RASA2: variants seen among roughly 807,000 people sequenced by gnomAD.
The protein encoded by RASA2 is ras GTPase-activating protein 2.
Under a neutral mutation model 118.2 loss-of-function variants are expected in RASA2, and 155 were observed. The observed-to-expected ratio is 1.31, with a 90% CI of 1.15 to 1.50. The LOEUF (loss-of-function observed/expected upper bound fraction) is 1.50, where lower values mean the gene tolerates loss of function less well. Ranked by LOEUF, RASA2 falls within the 40% of genes most tolerant of loss-of-function variation. The pLI is 0.00. For missense variants in RASA2, 1,016 were observed against 1,009.6 expected (o/e 1.01, Z -0.09); for synonymous variants, 353 against 349.1 (o/e 1.01, Z -0.12).
intron 3 of RASA2, chr3:141,525,664 A>G (rs1472760826): frequency 1.3e-5 from 2 of 151,994 alleles, no homozygotes; most frequent in Non-Finnish European, 2.9e-5. Flanking sequence ...AAAGTAGCCA[A>G]CTGGGACCAA....
intron 19 of RASA2, among the ~76,000 whole-genome samples, chr3:141,601,442 CAAAAAAAAAGA>C (rs71151502): frequency 0.45 from 64,688 of 143,640 alleles, 14,310 homozygotes; most frequent in African/African-American, 0.56. Flanking sequence ...CCACTGTCTC[CAAAAAAAAAGA>C]AAAAAAAAAG....
At chr3:141,592,537 G>T (rs1483256475) in intron 19 of RASA2, among the ~76,000 whole-genome samples, 1 of 152,164 alleles carries the variant, frequency 6.6e-6, no homozygotes, top group Non-Finnish European at 1.5e-5. Flanking sequence ...TCTTAATAGG[G>T]TAACTTATGT....
intron 15 of RASA2, among the ~76,000 whole-genome samples, chr3:141,580,085 AATATATATATATAT>A (rs1207351331): frequency 2.3e-4 from 14 of 59,618 alleles, no homozygotes; most frequent in Non-Finnish European, 3.5e-4. Flanking sequence ...AAAAAAAAAA[AATATATATATATAT>A]ATATATATAT....
intron 17 of RASA2, among the ~76,000 whole-genome samples, chr3:141,584,701 C>G (rs910507292): frequency 1.1e-4 from 17 of 152,276 alleles, no homozygotes; most frequent in African/African-American, 4.1e-4. Context: ...CATAAGGTCT[C>G]TGCCACTTAG....
chr3:141,607,687 C>A lies in RASA2; in HGVS notation c.1943C>A (p.Ala648Glu), dbSNP rs1421012394. Residue 648 changes from alanine (A) to glutamate (E), a missense_variant, in exon 20 of 24, where the codon GCA becomes GAA. Physicochemically the swap from Ala to Glu is moderately radical, Grantham distance 107. Coordinates refer to ENST00000286364, the MANE Select transcript of RASA2 (RefSeq NM_006506.5). ...LTYHKQPGKD[A>E]IYTIPVKNIL... Reference sequence around the variant, plus strand: ...TTTTTTTATTATTTAGGCAAAGATGCAATCTACACAATCCCAGTAAAAAAC... The same window carrying A: ...TTTTTTTATTATTTAGGCAAAGATGAAATCTACACAATCCCAGTAAAAAAC... 6 of 1,566,738 alleles carry A rather than the reference C, an allele frequency of 3.8e-6. No homozygotes were observed. In the South Asian group the frequency reaches 7.3e-5, roughly 19 times the overall value.
At chr3:141,579,271 C>A (rs2083061901) in intron 15 of RASA2, among the ~76,000 whole-genome samples, 1 of 152,116 alleles carries the variant, frequency 6.6e-6, no homozygotes, top group Non-Finnish European at 1.5e-5. Flanking sequence ...TAGAAACTTA[C>A]ACAAATGTAT....
At chr3:141,556,440 A>G (rs1377072690) in intron 7 of RASA2, among the ~76,000 whole-genome samples, 1 of 152,212 alleles carries the variant, frequency 6.6e-6, no homozygotes, top group Non-Finnish European at 1.5e-5. Flanking sequence ...CTTTGAGACC[A>G]TAAAATACTT....
intron 5 of RASA2, among the ~76,000 whole-genome samples, chr3:141,545,002 A>G (rs1370094174): frequency 1.3e-5 from 2 of 152,182 alleles, no homozygotes; most frequent in African/African-American, 4.8e-5. Flanking sequence ...GGTGGAGAGT[A>G]GGAGGAGGGA....
rs201810661 is a variant in RASA2, at chr3:141,543,442, GAGTT to G, written c.527+2836_527+2839del. Among the ~76,000 whole-genome samples the G allele has an allele frequency of 7.3e-3, 1,117 of 152,240 alleles. 14 individuals are homozygous for G. Among genetic ancestry groups the G allele is most frequent in the African/African-American group, 0.025 (1,045 of 41,532 alleles). On this transcript the variant is annotated intron_variant, in intron 5 of 23. Coordinates refer to ENST00000286364, the MANE Select transcript of RASA2 (RefSeq NM_006506.5). ...TTCAGCCATCTAACACAGTTGAAAA[GAGTT>G]AGAGGAAAAGGAAAGTGTAAGTCTG...
intron 1 of RASA2, among the ~76,000 whole-genome samples, chr3:141,496,483 C>A (rs1043396844): frequency 4.6e-5 from 7 of 151,936 alleles, no homozygotes; most frequent in African/African-American, 7.3e-5. Context: ...AAAAAAACAA[C>A]CCCATGAAAA....
intron 15 of RASA2, among the ~76,000 whole-genome samples, chr3:141,577,346 A>G (rs1276428728): frequency 6.6e-6 from 1 of 152,144 alleles, no homozygotes; most frequent in Non-Finnish European, 1.5e-5. Flanking sequence ...AAGCTTGGTG[A>G]TGAGTACAAA....
intron 9 of RASA2, among the ~76,000 whole-genome samples, chr3:141,561,888 T>A (rs1433466463): frequency 6.6e-6 from 1 of 152,182 alleles, no homozygotes; most frequent in Admixed American, 6.5e-5. Context: ...GAATATTTGA[T>A]ATGATTTAGC....
chr3:141,604,563 A>T (rs765652837), intron 19 of RASA2, among the ~76,000 whole-genome samples: 49 of 151,970 alleles, frequency 3.2e-4, no homozygotes, highest in Non-Finnish European at 5.4e-4. Context: ...ACCTTTTTAC[A>T]TTATGTTTTA....
At chr3:141,562,555 G>GCC (rs1560034221) in intron 9 of RASA2, among the ~76,000 whole-genome samples, 2 of 65,008 alleles carry the variant, frequency 3.1e-5, no homozygotes, top group East Asian at 1.0e-3. Context: ...CCTGGGAGCG[G>GCC]GAGCTTACAG....
At position 141,580,789 on chromosome 3, in the gene RASA2, T is replaced by C. The variant is rs111914997; in HGVS notation, c.1675-311T>C. Among the ~76,000 whole-genome samples the C allele has an allele frequency of 7.2e-3, 1,084 of 150,734 alleles. 16 individuals are homozygous for C. Among genetic ancestry groups the C allele is most frequent in the African/African-American group, 0.025 (1,036 of 40,960 alleles). ...GTCCCAGCAACATAGCAAGACCCTGTCTCTAGAAGTTTTAAAAAGAAAAAA... is the reference window on the plus strand; with the variant it reads ...GTCCCAGCAACATAGCAAGACCCTGCCTCTAGAAGTTTTAAAAAGAAAAAA... On this transcript the variant is annotated intron_variant, in intron 16 of 23. Transcript: ENST00000286364.
intron 5 of RASA2, among the ~76,000 whole-genome samples, chr3:141,547,249 A>C (rs919266333): frequency 7.2e-5 from 11 of 151,792 alleles, no homozygotes; most frequent in African/African-American, 2.7e-4. Flanking sequence ...TGACATTGGT[A>C]TTTCAGTAGG....
intron 2 of RASA2, among the ~76,000 whole-genome samples, chr3:141,514,339 A>G (rs763169466): frequency 5.3e-5 from 8 of 152,222 alleles, no homozygotes; most frequent in Non-Finnish European, 1.2e-4. Flanking sequence ...ATTTAAAACC[A>G]TTTTTGTCAC....
Position 141,498,615 on chromosome 3 carries a change from T to C in RASA2, c.133+11399T>C, listed in dbSNP as rs531370492. 2.6e-5 allele frequency among the ~76,000 whole-genome samples: 4 copies of C among 152,256 alleles called. No homozygotes were observed. In the South Asian group the frequency reaches 8.3e-4, roughly 32 times the overall value. The stretch of plus-strand genomic sequence containing the variant: ...ACACATACACACCTTTATATGCTCA[T>C]GGGTGTAACTTCTTTATGTGTCTAG... On this transcript the variant is annotated intron_variant, in intron 1 of 23. Coordinates refer to ENST00000286364, the MANE Select transcript of RASA2 (RefSeq NM_006506.5).
chr3:141,558,820 A>G, intron 7 of RASA2, 66 bp from the exon 8 acceptor site: 1 of 1,248,468 alleles, frequency 8.0e-7, no homozygotes, highest in Non-Finnish European at 1.1e-6. Flanking sequence ...GCAGATGATC[A>G]TTTTTAAGCT....
Sources: allele counts gnomAD v4.1 joint callset (sites outside exome capture counted in the v4.1 genomes callset), GRCh38; gene constraint gnomAD v4.1.1; transcripts MANE v1.5; gene names NCBI Gene and HGNC (gene_info 2026-07-23, HGNC 2026-07-21).